The following TMEM220 variants were observed in gnomAD, a reference collection of about 807,000 sequenced individuals.
The protein encoded by TMEM220 is transmembrane protein 220.
Under a neutral mutation model 21.7 loss-of-function variants are expected in TMEM220, and 21 were observed. The ratio of observed to expected loss-of-function variants is 0.97; its 90% CI spans 0.69 to 1.39. The LOEUF (loss-of-function observed/expected upper bound fraction) is 1.39. Among genes scored for constraint, TMEM220 ranks in the 40% most tolerant of loss-of-function variants. The pLI is 0.00. For synonymous variants in TMEM220, 80 were observed against 73.6 expected, an observed-to-expected ratio of 1.09 and a Z score of -0.45; for missense variants, 191 against 201.9, an observed-to-expected ratio of 0.95 and a Z score of 0.33.
At chr17:10,718,864 T>C (rs1477004162) in intron 5 of TMEM220, among the ~76,000 whole-genome samples, 1 of 152,250 alleles carries the variant, frequency 6.6e-6, no homozygotes, top group Non-Finnish European at 1.5e-5. Context: ...TATAGTCTTT[T>C]TGTAAAATAC....
At chr17:10,716,289 C>G in intron 5 of TMEM220, 1 of 671,136 alleles carries the variant, frequency 1.5e-6, no homozygotes, top group Non-Finnish European at 2.8e-6. Flanking sequence ...GAGGCCATAA[C>G]GCATCATCCT....
chr17:10,718,632 T>C (rs2074952764), intron 5 of TMEM220, among the ~76,000 whole-genome samples: 1 of 152,222 alleles, frequency 6.6e-6, no homozygotes, highest in African/African-American at 2.4e-5. Context: ...TGATATGTAG[T>C]ATTCACCTTA....
At chr17:10,711,213 C>A, downstream of TMEM220, 1 of 1,261,742 alleles carries the variant, frequency 7.9e-7, no homozygotes, top group Non-Finnish European at 1.1e-6. Flanking sequence ...AAATAAAAAT[C>A]CTCTGTCTCA....
At chr17:10,717,180 T>C (rs2074931940) in intron 5 of TMEM220, among the ~76,000 whole-genome samples, 1 of 152,242 alleles carries the variant, frequency 6.6e-6, no homozygotes. Flanking sequence ...TCTTGCCTTA[T>C]TTTACCGGCT....
intron 2 of TMEM220, among the ~76,000 whole-genome samples, chr17:10,727,349 G>T (rs893729908): frequency 6.6e-6 from 1 of 152,088 alleles, no homozygotes; most frequent in African/African-American, 2.4e-5. Context: ...CAAGGCAGTG[G>T]TAAGGAACAG....
chr17:10,722,183 C>T (rs990701875), intron 5 of TMEM220, among the ~76,000 whole-genome samples: 2 of 151,940 alleles, frequency 1.3e-5, no homozygotes, highest in Non-Finnish European at 2.9e-5. Context: ...TTAGTAGAGA[C>T]GGGGTTTCGC....
At chr17:10,721,906 G>GT (rs943833491) in intron 5 of TMEM220, among the ~76,000 whole-genome samples, 4 of 150,406 alleles carry the variant, frequency 2.7e-5, no homozygotes, top group East Asian at 2.0e-4. Context: ...GGTGTTTGTA[G>GT]TTTTTTTTCA....
At chr17:10,728,958 A>G in intron 2 of TMEM220, 73 bp downstream of exon 2, 1 of 1,532,280 alleles carries the variant, frequency 6.5e-7, no homozygotes, top group Non-Finnish European at 9.0e-7. Context: ...GGGTAAAGAC[A>G]TAAAACCGTG....
In TMEM220 at chr17:10,715,192, G is replaced by C. The variant is rs780704095; in HGVS notation, c.*261C>G. The C allele has an allele frequency of 1.1e-5, 3 of 271,362 alleles. No individual in the cohort carries two copies. The East Asian group carries it at 2.5e-4, about 22-fold the overall frequency. 16.8% of individuals were successfully genotyped at this position (271,362 alleles called of 1,614,324 possible). On this transcript the variant is annotated 3_prime_UTR_variant, in exon 6 of 6. Transcript: ENST00000341871. Reference sequence around the variant, plus strand: ...TAGTTACAAAGTTAAGTTAGAACTCGTATTTTTAAACTTCTATTCTCTAGC... The same window carrying C: ...TAGTTACAAAGTTAAGTTAGAACTCCTATTTTTAAACTTCTATTCTCTAGC...
Position 10,715,508 on chromosome 17 carries a change from T to C in TMEM220, c.428A>G (p.Tyr143Cys), listed in dbSNP as rs780761905. 9 of 1,605,258 alleles carry C rather than the reference T, an allele frequency of 5.6e-6. No individual in the cohort carries two copies. Among genetic ancestry groups the C allele is most frequent in the Non-Finnish European group, 7.6e-6 (9 of 1,178,214 alleles). Reference protein sequence around the residue: ...LFPFISWVYIYINKEMRSSWP... With the variant: ...LFPFISWVYICINKEMRSSWP... ...AGAGGACCGCATTTCCTTGTTAATA[T>C]ATATGTAGACCCATGAGATAAATGG... Residue 143 changes from tyrosine to cysteine, a missense_variant, in exon 6 of 6, where the codon TAT becomes TGT. Tyr to Cys is a radical substitution (Grantham distance 194, BLOSUM62 -2). Coordinates refer to ENST00000341871, the MANE Select transcript of TMEM220 (RefSeq NM_001004313.3).
At chr17:10,729,643 G>T in intron 1 of TMEM220, 137 bp downstream of exon 1, 1 of 687,662 alleles carries the variant, frequency 1.5e-6, no homozygotes. Flanking sequence ...GGCTCCCCAA[G>T]CAGAAAGCCC....
At position 10,715,143 on chromosome 17, in the gene TMEM220, G is replaced by T. The variant is rs963907932; in HGVS notation, c.*310C>A. On this transcript the variant is annotated 3_prime_UTR_variant, in exon 6 of 6. Coordinates refer to ENST00000341871, the MANE Select transcript of TMEM220 (RefSeq NM_001004313.3). Reference sequence around the variant, plus strand: ...TTTATAGATAAATATCCACCAGGAGGTTTATATATTTGCCCAAATTACATA... The same window carrying T: ...TTTATAGATAAATATCCACCAGGAGTTTTATATATTTGCCCAAATTACATA... 1.8e-5 allele frequency: 4 copies of T among 217,186 alleles called. No homozygotes were observed. The highest frequency in any genetic ancestry group is 5.8e-5 in the Admixed American group (1 of 17,128). The allele number at this position is 217,186 out of a possible 1,614,324, so 13.5% of individuals were successfully genotyped here. A position where few individuals can be genotyped will look rare whatever the true frequency, so the allele number is the denominator to read the frequency against.
chr17:10,725,290 G>T (rs1337534100), intron 3 of TMEM220, among the ~76,000 whole-genome samples, 156 bp from the exon 4 acceptor site: 1 of 152,166 alleles, frequency 6.6e-6, no homozygotes, highest in East Asian at 1.9e-4. Flanking sequence ...CAACACAGAG[G>T]TCACAGCACT....
At chr17:10,726,017 T>C (rs1017972450) in intron 3 of TMEM220, among the ~76,000 whole-genome samples, 187 bp downstream of exon 3, 1 of 152,236 alleles carries the variant, frequency 6.6e-6, no homozygotes, top group Non-Finnish European at 1.5e-5. Context: ...CGCTGTTTTA[T>C]AGCAGATCCT....
chr17:10,714,812 T>G lies in TMEM220; in HGVS notation c.*641A>C, dbSNP rs999303945. 1.3e-5 allele frequency: 2 copies of G among 152,246 alleles called. No homozygotes were observed. Among genetic ancestry groups the G allele is most frequent in the Non-Finnish European group, 2.9e-5 (2 of 68,196 alleles). 9.4% of individuals were successfully genotyped at this position (152,246 alleles called of 1,614,324 possible). On this transcript the variant is annotated 3_prime_UTR_variant, in exon 6 of 6. Transcript: ENST00000341871. ...GGTGCACACTTGTAGTCGTAGCTTC[T>G]TGGGAGGCTGAGGTAGGAGGATCAC...
rs2075109809 is a variant in TMEM220, at chr17:10,729,985, T to G, written c.-134A>C. 3 of 1,188,360 alleles carry G rather than the reference T, an allele frequency of 2.5e-6. No homozygotes were observed. The highest frequency in any genetic ancestry group is 3.1e-6 in the Non-Finnish European group (3 of 971,772). The allele number at this position is 1,188,360 out of a possible 1,614,324, so 73.6% of individuals were successfully genotyped here. A position where few individuals can be genotyped will look rare whatever the true frequency, so the allele number is the denominator to read the frequency against. On this transcript the variant is annotated 5_prime_UTR_variant, in exon 1 of 6. Coordinates refer to ENST00000341871, the MANE Select transcript of TMEM220 (RefSeq NM_001004313.3). ...CTCGGTTTCGGTGCCTTGGGGACACTGCCGTGGCCGTCGCTCCGCCCGGGG... is the reference window on the plus strand; with the variant it reads ...CTCGGTTTCGGTGCCTTGGGGACACGGCCGTGGCCGTCGCTCCGCCCGGGG...
intron 5 of TMEM220, among the ~76,000 whole-genome samples, chr17:10,721,614 AAAAAAG>A (rs1371678681): frequency 3.5e-5 from 2 of 57,086 alleles, no homozygotes; most frequent in Non-Finnish European, 6.8e-5. Context: ...CAAAAAAAAA[AAAAAAG>A]AAAAAAAGAA....
At chr17:10,720,315 T>C (rs2074972598) in intron 5 of TMEM220, among the ~76,000 whole-genome samples, 1 of 152,192 alleles carries the variant, frequency 6.6e-6, no homozygotes, top group African/African-American at 2.4e-5. Context: ...ATCTAAATAG[T>C]AGAGAACTGG....
chr17:10,716,655 T>G (rs2074925690), intron 5 of TMEM220: 3 of 389,562 alleles, frequency 7.7e-6, no homozygotes, highest in Admixed American at 3.7e-5. Flanking sequence ...AAGTAGGGGT[T>G]GTTTCACTTT....
Sources: gnomAD v4.1 joint callset for allele counts (sites outside exome capture counted in the v4.1 genomes callset) on GRCh38, gnomAD v4.1.1 for gene constraint, MANE v1.5 for transcripts, NCBI Gene and HGNC (gene_info 2026-07-23, HGNC 2026-07-21) for gene names.